Variants in XPR1 observed in about 807,000 individuals in gnomAD.
XPR1 encodes the protein solute carrier family 53 member 1.
Under a neutral mutation model 87.5 loss-of-function variants are expected in XPR1, and 28 were observed. The ratio of observed to expected loss-of-function variants is 0.32; its 90% CI spans 0.24 to 0.44. XPR1 has a LOEUF of 0.44. Ranked by LOEUF, XPR1 falls within the 20% of genes least tolerant of loss-of-function variation. The pLI, the probability that XPR1 is intolerant of heterozygous loss-of-function variation, is 1.00. For missense variants in XPR1, 559 were observed against 862.3 expected, an observed-to-expected ratio of 0.65 and a Z score of 4.41; for synonymous variants, 300 against 306.1, an observed-to-expected ratio of 0.98 and a Z score of 0.21.
intron 2 of XPR1, among the ~76,000 whole-genome samples, chr1:180,756,663 TG>T (rs771989497): frequency 6.6e-6 from 1 of 152,204 alleles, no homozygotes; most frequent in Non-Finnish European, 1.5e-5. Flanking sequence ...TTTCATTCAT[TG>T]TGCTTTTAAT....
chr1:180,705,153 T>C (rs905638093), intron 2 of XPR1, among the ~76,000 whole-genome samples: 1 of 152,132 alleles, frequency 6.6e-6, no homozygotes, highest in Non-Finnish European at 1.5e-5. Flanking sequence ...GCATAACTTT[T>C]TGGGATTAGG....
chr1:180,638,588 G>T (rs1012673591), intron 1 of XPR1, among the ~76,000 whole-genome samples: 3 of 152,012 alleles, frequency 2.0e-5, no homozygotes, highest in Non-Finnish European at 4.4e-5. Flanking sequence ...ATTTATAGAA[G>T]TCTTCCTTTG....
intron 1 of XPR1, among the ~76,000 whole-genome samples, chr1:180,681,093 G>T (rs1346162310): frequency 6.6e-6 from 1 of 152,156 alleles, no homozygotes; most frequent in African/African-American, 2.4e-5. Flanking sequence ...GGAGAGATTT[G>T]TTAAAGGATA....
intron 1 of XPR1, among the ~76,000 whole-genome samples, chr1:180,649,503 A>C (rs1206809916): frequency 1.3e-5 from 2 of 152,102 alleles, no homozygotes; most frequent in African/African-American, 4.8e-5. Flanking sequence ...TTTAGAGGTC[A>C]CTCTTGAATG....
At chr1:180,711,175 G>A (rs577432195) in intron 2 of XPR1, among the ~76,000 whole-genome samples, 220 of 151,194 alleles carry the variant, frequency 1.5e-3, no homozygotes, top group Middle Eastern at 3.5e-3. Flanking sequence ...GACGATGGGC[G>A]GCCAGGCAGA....
chr1:180,817,844 G>A (rs1650467975), intron 7 of XPR1, among the ~76,000 whole-genome samples: 1 of 152,168 alleles, frequency 6.6e-6, no homozygotes, highest in Admixed American at 6.5e-5. Context: ...AATATGCTGT[G>A]TTCTGGGTGC....
intron 2 of XPR1, among the ~76,000 whole-genome samples, chr1:180,701,938 C>T (rs1200756669): frequency 9.3e-6 from 1 of 107,836 alleles, no homozygotes; most frequent in Non-Finnish European, 1.8e-5. Context: ...CTATTTCCTT[C>T]AGTTCTGCTC....
intron 1 of XPR1, among the ~76,000 whole-genome samples, chr1:180,679,906 AC>A (rs2101941186): frequency 6.6e-6 from 1 of 152,300 alleles, no homozygotes; most frequent in East Asian, 1.9e-4. Context: ...ATGTCAAACT[AC>A]AAAGCTTCTG....
At chr1:180,799,798 C>T (rs2138399) in intron 3 of XPR1, among the ~76,000 whole-genome samples, 47,761 of 152,000 alleles carry the variant, frequency 0.31, 8,227 homozygotes, top group Non-Finnish European at 0.38. Context: ...TGTGTAGCTG[C>T]ATGCCAGGGG....
chr1:180,654,018 T>A (rs965731233), intron 1 of XPR1, among the ~76,000 whole-genome samples: 4 of 152,220 alleles, frequency 2.6e-5, no homozygotes, highest in African/African-American at 9.6e-5. Flanking sequence ...TACTGTACTT[T>A]AATAACCTTT....
chr1:180,833,326 A>G (rs189105349), intron 9 of XPR1, among the ~76,000 whole-genome samples: 1 of 152,212 alleles, frequency 6.6e-6, no homozygotes, highest in Non-Finnish European at 1.5e-5. Context: ...CACACATAAC[A>G]ATATTAACCT....
intron 14 of XPR1, among the ~76,000 whole-genome samples, chr1:180,883,780 A>G (rs1182491205): frequency 6.6e-6 from 1 of 151,316 alleles, no homozygotes; most frequent in Non-Finnish European, 1.5e-5. Flanking sequence ...ATACCCTGCC[A>G]TTGTTCTTGT....
chr1:180,831,375 T>TTTTG, intron 9 of XPR1, among the ~76,000 whole-genome samples: 1 of 150,074 alleles, frequency 6.7e-6, no homozygotes, highest in Non-Finnish European at 1.5e-5. Context: ...TTTTTTTTTT[T>TTTTG]TTTTTTGATA....
intron 7 of XPR1, 73 bp from the exon 8 acceptor site, chr1:180,824,680 T>G: frequency 4.5e-6 from 6 of 1,328,282 alleles, no homozygotes; most frequent in Non-Finnish European, 6.2e-6. Context: ...TCATTGAGAA[T>G]GAAGACAAAA....
At chr1:180,794,915 A>G (rs1415946952) in intron 3 of XPR1, among the ~76,000 whole-genome samples, 1 of 152,204 alleles carries the variant, frequency 6.6e-6, no homozygotes, top group Non-Finnish European at 1.5e-5. Flanking sequence ...TCACATACAG[A>G]TTTCAGACTT....
At chr1:180,797,041 A>G (rs565679796) in intron 3 of XPR1, among the ~76,000 whole-genome samples, 9 of 152,288 alleles carry the variant, frequency 5.9e-5, no homozygotes, top group African/African-American at 2.2e-4. Context: ...AATGGCCATG[A>G]TGGAAGTATA....
At chr1:180,727,181 T>C (rs1397697930) in intron 2 of XPR1, among the ~76,000 whole-genome samples, 1 of 152,022 alleles carries the variant, frequency 6.6e-6, no homozygotes, top group Non-Finnish European at 1.5e-5. Flanking sequence ...TGCTTTAATC[T>C]CTAATATGAT....
At chr1:180,787,042 A>C (rs1203717909) in intron 2 of XPR1, among the ~76,000 whole-genome samples, 1 of 152,166 alleles carries the variant, frequency 6.6e-6, no homozygotes, top group African/African-American at 2.4e-5. Context: ...TCATGTCTTC[A>C]TACCTTTGCT....
intron 2 of XPR1, among the ~76,000 whole-genome samples, chr1:180,747,672 T>C (rs1306041730): frequency 6.6e-6 from 1 of 152,228 alleles, no homozygotes; most frequent in Non-Finnish European, 1.5e-5. Flanking sequence ...CTGATTTTAA[T>C]TGAACTCTAC....
Sources: gnomAD v4.1 joint callset for allele counts (sites outside exome capture counted in the v4.1 genomes callset) on GRCh38, gnomAD v4.1.1 for gene constraint, MANE v1.5 for transcripts, NCBI Gene and HGNC (gene_info 2026-07-23, HGNC 2026-07-21) for gene names.